AKAP6: variants seen among roughly 807,000 people sequenced by gnomAD.
AKAP6 encodes the protein A-kinase anchoring protein 6.
A neutral mutation model predicts 188.5 loss-of-function variants in AKAP6; 58 were observed. That is an observed-to-expected ratio of 0.31 (90% confidence interval 0.25 to 0.38). The LOEUF is 0.38. Ranked by LOEUF, AKAP6 falls within the 10% of genes least tolerant of loss-of-function variation. AKAP6 has a pLI of 1.00. For missense variants in AKAP6, 2,710 were observed against 2,740.0 expected (o/e 0.99, Z 0.24); for synonymous variants, 989 against 998.6 (o/e 0.99, Z 0.18).
intron 1 of AKAP6, among the ~76,000 whole-genome samples, chr14:32,414,552 A>G (rs919342846): frequency 2.6e-5 from 4 of 152,196 alleles, no homozygotes; most frequent in African/African-American, 9.6e-5. Flanking sequence ...CCCGCTGGTC[A>G]TCGGAGCTCA....
chr14:32,337,183 A>T (rs1022833338), intron 1 of AKAP6, among the ~76,000 whole-genome samples: 8 of 152,314 alleles, frequency 5.3e-5, no homozygotes, highest in African/African-American at 1.9e-4. Flanking sequence ...GACTATATGC[A>T]ACAATGAAAA....
chr14:32,774,090 C>A, intron 12 of AKAP6, 197 bp downstream of exon 12: 1 of 598,724 alleles, frequency 1.7e-6, no homozygotes. Context: ...AAATGAAACT[C>A]CATTTGTCAT....
intron 12 of AKAP6, among the ~76,000 whole-genome samples, chr14:32,807,094 C>G (rs1481704481): frequency 6.7e-6 from 1 of 149,348 alleles, no homozygotes; most frequent in Non-Finnish European, 1.5e-5. Flanking sequence ...ATATAAAATC[C>G]CACATCTTTG....
At chr14:32,652,327 C>T (rs1169247642) in intron 7 of AKAP6, among the ~76,000 whole-genome samples, 7 of 152,242 alleles carry the variant, frequency 4.6e-5, no homozygotes, top group East Asian at 1.9e-4. Context: ...GCATCTTCCT[C>T]GACTAGGCCT....
In AKAP6 at chr14:32,761,308, C is replaced by T. The variant is rs144255587; in HGVS notation, c.3373-12370C>T. On this transcript the variant is annotated intron_variant, in intron 11 of 13. Coordinates refer to ENST00000280979, the MANE Select transcript of AKAP6 (RefSeq NM_004274.5). ...GTTATGTCCCTAGAGTTCTTGAATC[C>T]ATTTATTTCCCTTCTGTAGCATTCT... Among the ~76,000 whole-genome samples the T allele has an allele frequency of 1.7e-4, 26 of 152,194 alleles. No individual in the cohort carries two copies. The East Asian group carries it at 4.8e-3, about 28-fold the overall frequency.
chr14:32,739,311 A>G (rs2031572814), intron 11 of AKAP6, among the ~76,000 whole-genome samples: 1 of 152,098 alleles, frequency 6.6e-6, no homozygotes, highest in South Asian at 2.1e-4. Flanking sequence ...TGCAATGGGT[A>G]CTAATCACGT....
At chr14:32,736,769 G>A (rs1226586954) in intron 11 of AKAP6, among the ~76,000 whole-genome samples, 1 of 146,364 alleles carries the variant, frequency 6.8e-6, no homozygotes, top group Non-Finnish European at 1.5e-5. Context: ...CACCTTGCCT[G>A]CAATCATCCA....
At position 32,695,924 on chromosome 14, in the gene AKAP6, T is replaced by C; in HGVS notation, c.2880-66T>C. The C allele has an allele frequency of 4.0e-6, 6 of 1,484,662 alleles. No individual in the cohort carries two copies. In the South Asian group the frequency reaches 6.6e-5, roughly 16 times the overall value. The allele number at this position is 1,484,662 out of a possible 1,614,324, so 92.0% of individuals were successfully genotyped here. ...ATCATGGGTTTTCAAGAATATATTA[T>C]TCTAATATAAGATTTTAACAACTAC... On this transcript the variant is annotated intron_variant, in intron 8 of 13. Coordinates refer to ENST00000280979, the MANE Select transcript of AKAP6 (RefSeq NM_004274.5).
chr14:32,748,949 TAC>T (rs151123259), intron 11 of AKAP6, among the ~76,000 whole-genome samples: 8 of 151,980 alleles, frequency 5.3e-5, no homozygotes, highest in Admixed American at 2.0e-4. Flanking sequence ...CACACAAGTG[TAC>T]ACACACACAC....
chr14:32,466,753 AAG>A (rs1491076962), intron 2 of AKAP6, among the ~76,000 whole-genome samples: 10 of 148,336 alleles, frequency 6.7e-5, no homozygotes, highest in Non-Finnish European at 1.3e-4. Context: ...AAAAAAAAAA[AAG>A]AGATATATTA....
chr14:32,689,703 C>T (rs776185240), intron 8 of AKAP6, among the ~76,000 whole-genome samples: 1 of 151,986 alleles, frequency 6.6e-6, no homozygotes, highest in Non-Finnish European at 1.5e-5. Context: ...ATAACAGGCA[C>T]CACTATTATA....
chr14:32,649,449 T>C (rs1031000261), intron 7 of AKAP6, among the ~76,000 whole-genome samples: 3 of 152,204 alleles, frequency 2.0e-5, no homozygotes, highest in Non-Finnish European at 4.4e-5. Flanking sequence ...TTAAAACTTA[T>C]TTTACATTTA....
In AKAP6 at chr14:32,822,853, C is replaced by T; in HGVS notation, c.5040C>T (p.Ile1680=). Residue 1680 remains isoleucine, a synonymous_variant, in exon 13 of 14, where the codon ATC becomes ATT. Coordinates refer to ENST00000280979, the MANE Select transcript of AKAP6 (RefSeq NM_004274.5). ...TGTCATTGGACATAGCATCTTCTAT[C>T]AATGAAGACTCAGCGGCATCTCTAA... ...GQMSLDIASS[I]NEDSAASLTE... is the part of the protein sequence containing the mutation. The T allele has an allele frequency of 6.2e-7, 1 of 1,613,934 alleles. No homozygotes were observed. The highest frequency in any genetic ancestry group is 2.2e-5 in the East Asian group (1 of 44,882).
At chr14:32,417,027 A>G (rs1889683060) in intron 1 of AKAP6, among the ~76,000 whole-genome samples, 1 of 152,104 alleles carries the variant, frequency 6.6e-6, no homozygotes, top group South Asian at 2.1e-4. Flanking sequence ...TTTTTAGTAG[A>G]GGTGGAGTTT....
In AKAP6 at chr14:32,807,089, A is replaced by T. The variant is rs143237161; in HGVS notation, c.3589-14313A>T. 2.3e-3 allele frequency among the ~76,000 whole-genome samples: 343 copies of T among 148,118 alleles called. 3 individuals carry two copies. The highest frequency in any genetic ancestry group is 7.7e-3 in the African/African-American group (309 of 40,336). Reference sequence around the variant, plus strand: ...GGGGAAATATATATATATATATATAAAATCCCACATCTTTGGAAGGCCAAG... The same window carrying T: ...GGGGAAATATATATATATATATATATAATCCCACATCTTTGGAAGGCCAAG... On this transcript the variant is annotated intron_variant, in intron 12 of 13. Transcript: ENST00000280979.
chr14:32,469,279 C>A (rs184530763), intron 2 of AKAP6, among the ~76,000 whole-genome samples: 1 of 152,290 alleles, frequency 6.6e-6, no homozygotes, highest in African/African-American at 2.4e-5. Flanking sequence ...ATTTTCACAA[C>A]CTCCTTGGTA....
Position 32,383,355 on chromosome 14 carries a change from C to T in AKAP6, c.-34-50105C>T, listed in dbSNP as rs116606245. ...CAGGACTGTACCTGTCATGACTGTA[C>T]CATGTCATTTCCTAATCTAGTCTGA... On this transcript the variant is annotated intron_variant, in intron 1 of 13. Transcript: ENST00000280979. 4.9e-3 allele frequency among the ~76,000 whole-genome samples: 740 copies of T among 152,076 alleles called. 9 individuals carry two copies. The highest frequency in any genetic ancestry group is 0.017 in the African/African-American group (716 of 41,476).
At position 32,413,175 on chromosome 14, in the gene AKAP6, A is replaced by ATTTCTTT. The variant is rs1491566130; in HGVS notation, c.-34-20282_-34-20281insCTTTTTT. 6.1e-3 allele frequency among the ~76,000 whole-genome samples: 368 copies of ATTTCTTT among 60,462 alleles called. 3 individuals are homozygous for ATTTCTTT. The highest frequency in any genetic ancestry group is 0.015 in the African/African-American group (329 of 22,274). 39.7% of individuals were successfully genotyped at this position (60,462 alleles called of 152,430 possible). On this transcript the variant is annotated intron_variant, in intron 1 of 13. Transcript: ENST00000280979. ...GGACAAAAAGAAAGTATTTATTGAA[A>ATTTCTTT]TTTTTTTTTTTTTTTTTTTTTTTTT...
chr14:32,475,379 C>A (rs1566526035), intron 2 of AKAP6, among the ~76,000 whole-genome samples: 1 of 152,204 alleles, frequency 6.6e-6, no homozygotes, highest in Non-Finnish European at 1.5e-5. Flanking sequence ...ACATTGGCTA[C>A]AGCTGATTCA....
Sources: allele counts gnomAD v4.1 joint callset (sites outside exome capture counted in the v4.1 genomes callset), GRCh38; gene constraint gnomAD v4.1.1; transcripts MANE v1.5; gene names NCBI Gene and HGNC (gene_info 2026-07-23, HGNC 2026-07-21).